The following ARF4 variants were observed in gnomAD, a reference collection of about 807,000 sequenced individuals.
ARF4 encodes ADP-ribosylation factor 4.
Under a neutral mutation model 24.3 loss-of-function variants are expected in ARF4, and 5 were observed. The ratio of observed to expected loss-of-function variants is 0.21; its 90% CI spans 0.11 to 0.43. The LOEUF (loss-of-function observed/expected upper bound fraction) is 0.43. ARF4 is among the 20% of genes least tolerant of loss of function. ARF4 has a pLI of 1.00. For synonymous variants in ARF4, 62 were observed against 73.5 expected (o/e 0.84, Z 0.80); for missense variants, 107 against 213.0 (o/e 0.50, Z 3.10).
At chr3:57,583,778 G>A (rs905186867) in intron 3 of ARF4, 120 bp downstream of exon 3, 1 of 720,800 alleles carries the variant, frequency 1.4e-6, no homozygotes, top group Admixed American at 2.9e-5. Context: ...TGGAAGTGGT[G>A]ATAAGACAAA....
chr3:57,574,636 G>A lies in ARF4; in HGVS notation c.456+912C>T, dbSNP rs141332487. ...TGCCCGGGCTGGTTTGGAACTCCTG[G>A]CCTCAAGCAATCCTCCTGCCTTGGG... On this transcript the variant is annotated intron_variant, in intron 5 of 5. Transcript: ENST00000303436. 3.1e-3 allele frequency among the ~76,000 whole-genome samples: 472 copies of A among 152,090 alleles called. 2 individuals are homozygous for A. Among genetic ancestry groups the A allele is most frequent in the African/African-American group, 0.011 (446 of 41,524 alleles).
intron 3 of ARF4, among the ~76,000 whole-genome samples, chr3:57,582,390 G>A (rs1010316737): frequency 3.3e-5 from 5 of 151,372 alleles, no homozygotes; most frequent in African/African-American, 4.9e-5. Flanking sequence ...TCACAGGTGC[G>A]CGCCACCACG....
chr3:57,575,850 C>G (rs1286558018), intron 4 of ARF4, among the ~76,000 whole-genome samples, 177 bp from the exon 5 acceptor site: 1 of 152,174 alleles, frequency 6.6e-6, no homozygotes, highest in Non-Finnish European at 1.5e-5. Context: ...AAATCCAGAG[C>G]AAACAATCAT....
chr3:57,592,849 GA>G (rs2070131954), intron 1 of ARF4, among the ~76,000 whole-genome samples: 1 of 152,060 alleles, frequency 6.6e-6, no homozygotes, highest in African/African-American at 2.4e-5. Context: ...AAATCAAAAA[GA>G]GAGGACACAA....
At chr3:57,573,917 A>C (rs932920731) in intron 5 of ARF4, among the ~76,000 whole-genome samples, 5 of 150,254 alleles carry the variant, frequency 3.3e-5, no homozygotes, top group Admixed American at 6.7e-5. Context: ...GAGATATCTC[A>C]AACAGGCAAT....
intron 1 of ARF4, among the ~76,000 whole-genome samples, chr3:57,590,222 C>T (rs944945498): frequency 4.0e-5 from 6 of 151,830 alleles, no homozygotes; most frequent in South Asian, 2.1e-4. Context: ...TGCAGTGGCT[C>T]ACACCTGTAA....
At chr3:57,577,518 G>C (rs867734893) in intron 3 of ARF4, 131 bp from the exon 4 acceptor site, 1 of 682,514 alleles carries the variant, frequency 1.5e-6, no homozygotes, top group South Asian at 1.9e-5. Context: ...AAGAACTTAA[G>C]GCTGTAATGC....
intron 5 of ARF4, among the ~76,000 whole-genome samples, chr3:57,575,002 AC>A (rs916639845): frequency 7.2e-5 from 11 of 152,088 alleles, no homozygotes; most frequent in African/African-American, 2.4e-4. Flanking sequence ...GGCATGCGCA[AC>A]CACACCTGGC....
At chr3:57,595,611 A>T (rs756448887) in intron 1 of ARF4, among the ~76,000 whole-genome samples, 3 of 152,222 alleles carry the variant, frequency 2.0e-5, no homozygotes, top group Non-Finnish European at 2.9e-5. Flanking sequence ...TTGAAATATT[A>T]CAGAAGCTTG....
chr3:57,590,133 A>AAATAAATC (rs1553731295), intron 1 of ARF4, among the ~76,000 whole-genome samples: 2 of 139,608 alleles, frequency 1.4e-5, no homozygotes, highest in African/African-American at 2.6e-5. Context: ...ATAAATAAAT[A>AAATAAATC]AAACAAAAAA....
intron 3 of ARF4, among the ~76,000 whole-genome samples, chr3:57,578,312 TG>T (rs760482917): frequency 7.4e-4 from 111 of 150,944 alleles, no homozygotes; most frequent in East Asian, 7.9e-4. Context: ...CCCAGCACTA[TG>T]GGAAGCCAAG....
chr3:57,584,154 G>A, intron 2 of ARF4, 147 bp from the exon 3 acceptor site: 1 of 706,668 alleles, frequency 1.4e-6, no homozygotes. Flanking sequence ...ACAGAGACAA[G>A]GCCTCATTAT....
chr3:57,584,091 T>C (rs903526555), intron 2 of ARF4, 84 bp from the exon 3 acceptor site: 1 of 931,780 alleles, frequency 1.1e-6, no homozygotes, highest in African/African-American at 1.7e-5. Flanking sequence ...TAGAATAGTG[T>C]TTTTAAAGTA....
At chr3:57,577,441 G>T in intron 3 of ARF4, 54 bp from the exon 4 acceptor site, 1 of 1,440,216 alleles carries the variant, frequency 6.9e-7, no homozygotes, top group Non-Finnish European at 9.8e-7. Context: ...CTCTCTATAT[G>T]AAACAGTGTA....
At chr3:57,581,509 A>C (rs1394753170) in intron 3 of ARF4, among the ~76,000 whole-genome samples, 4 of 152,212 alleles carry the variant, frequency 2.6e-5, no homozygotes, top group Non-Finnish European at 5.9e-5. Flanking sequence ...TAACTCTTTC[A>C]AAATATATTG....
chr3:57,579,334 C>T (rs1318188209), intron 3 of ARF4, among the ~76,000 whole-genome samples: 3 of 150,728 alleles, frequency 2.0e-5, no homozygotes. Flanking sequence ...TTCACCCAGG[C>T]TGGAGTGCAG....
intron 1 of ARF4, among the ~76,000 whole-genome samples, chr3:57,590,530 G>GA: frequency 6.6e-6 from 1 of 152,122 alleles, no homozygotes; most frequent in Non-Finnish European, 1.5e-5. Context: ...CTTTGAGGGA[G>GA]AAAAAAATAT....
Position 57,571,887 on chromosome 3 carries a change from TA to T in ARF4, c.*324del, listed in dbSNP as rs2069846455. ...CAGTAAAGTAGCAAGGGGATAACTT[TA>T]AAACATTATTTGTCTGGGGCTCAAA... On this transcript the variant is annotated 3_prime_UTR_variant, in exon 6 of 6. Coordinates refer to ENST00000303436, the MANE Select transcript of ARF4 (RefSeq NM_001660.4). 1 of 225,970 alleles carries T rather than the reference TA, an allele frequency of 4.4e-6. No individual in the cohort carries two copies. Among genetic ancestry groups the T allele is most frequent in the Admixed American group, 5.5e-5 (1 of 18,218 alleles). The allele number at this position is 225,970 out of a possible 1,614,324, so 14.0% of individuals were successfully genotyped here. A position where few individuals can be genotyped will look rare whatever the true frequency, so the allele number is the denominator to read the frequency against.
At chr3:57,585,895 C>T (rs1016996815) in intron 1 of ARF4, among the ~76,000 whole-genome samples, 6 of 152,010 alleles carry the variant, frequency 3.9e-5, no homozygotes, top group Non-Finnish European at 5.9e-5. Flanking sequence ...CTCCTGACCT[C>T]GGGTGATCTG....
Sources: allele counts gnomAD v4.1 joint callset (sites outside exome capture counted in the v4.1 genomes callset), GRCh38; gene constraint gnomAD v4.1.1; transcripts MANE v1.5; gene names NCBI Gene and HGNC (gene_info 2026-07-23, HGNC 2026-07-21).